KSR2: variants seen among roughly 807,000 people sequenced by gnomAD.
KSR2 encodes kinase suppressor of ras 2.
Under a neutral mutation model 107.8 loss-of-function variants are expected in KSR2, and 25 were observed. The observed-to-expected ratio is 0.23, with a 90% CI of 0.17 to 0.32. KSR2 has a LOEUF of 0.32. KSR2 is among the 10% of genes least tolerant of loss of function. KSR2 has a pLI of 1.00. For synonymous variants in KSR2, 480 were observed against 507.0 expected (o/e 0.95, Z 0.71); for missense variants, 887 against 1,268.9 (o/e 0.70, Z 4.57).
chr12:117,589,163 A>G (rs1392026343), intron 5 of KSR2, among the ~76,000 whole-genome samples: 1 of 152,200 alleles, frequency 6.6e-6, no homozygotes, highest in Non-Finnish European at 1.5e-5. Context: ...TTATCTTAAA[A>G]GCCATGCCAG....
At chr12:117,617,288 C>T in intron 5 of KSR2, among the ~76,000 whole-genome samples, 1 of 152,166 alleles carries the variant, frequency 6.6e-6, no homozygotes. Flanking sequence ...TTCTTCTAAT[C>T]CTTCCGCTAG....
intron 4 of KSR2, among the ~76,000 whole-genome samples, chr12:117,684,496 T>C (rs1276290824): frequency 1.3e-5 from 2 of 152,132 alleles, no homozygotes; most frequent in Non-Finnish European, 1.5e-5. Context: ...CTCCAGTGGA[T>C]CCAATTTTCC....
At chr12:117,495,894 A>AAAT (rs1332029325) in intron 14 of KSR2, among the ~76,000 whole-genome samples, 1 of 152,066 alleles carries the variant, frequency 6.6e-6, no homozygotes, top group Non-Finnish European at 1.5e-5. Flanking sequence ...TCTCTACTAA[A>AAAT]AATACAAAAA....
intron 1 of KSR2, among the ~76,000 whole-genome samples, chr12:117,926,075 T>A (rs748357656): frequency 2.0e-5 from 3 of 152,114 alleles, no homozygotes; most frequent in Non-Finnish European, 4.4e-5. Flanking sequence ...TGCACCCCTG[T>A]AATCCCAGCT....
intron 14 of KSR2, among the ~76,000 whole-genome samples, chr12:117,508,132 T>A (rs1167600670): frequency 6.6e-6 from 1 of 151,974 alleles, no homozygotes; most frequent in Non-Finnish European, 1.5e-5. Context: ...TGAGGGGGAG[T>A]CTGTTTTATG....
chr12:117,953,988 G>A (rs776692973), intron 1 of KSR2, among the ~76,000 whole-genome samples: 14 of 151,984 alleles, frequency 9.2e-5, no homozygotes, highest in Non-Finnish European at 1.9e-4. Flanking sequence ...TACTCAGGAG[G>A]CTGAGGCAGG....
At chr12:117,537,923 T>A (rs996582419) in intron 10 of KSR2, among the ~76,000 whole-genome samples, 2 of 152,238 alleles carry the variant, frequency 1.3e-5, no homozygotes, top group African/African-American at 2.4e-5. Context: ...AGAGCTGTGG[T>A]CCTTTTGTGC....
rs149170573 is a variant in KSR2, at chr12:117,911,882, G to A, written c.181-51451C>T. On this transcript the variant is annotated intron_variant, in intron 1 of 19. Transcript: ENST00000339824. ...CTTGGCAAGAAGCCAAGGCTTATGC[G>A]TCTCCGGGCCAGGAGAACCACTTGC... is the stretch of plus-strand genomic sequence containing the variant. 3.0e-3 allele frequency among the ~76,000 whole-genome samples: 455 copies of A among 152,290 alleles called. 2 individuals carry two copies. Among genetic ancestry groups the A allele is most frequent in the African/African-American group, 0.01 (419 of 41,568 alleles).
rs545088763 is a variant in KSR2, at chr12:117,623,136, G to A, written c.1172-40777C>T. ...TAATGCAAATTTGATAATGTGCTTC[G>A]CACATGGTAGATACCAATGAACACT... On this transcript the variant is annotated intron_variant, in intron 5 of 19. Transcript: ENST00000339824. 7.9e-5 allele frequency among the ~76,000 whole-genome samples: 12 copies of A among 152,232 alleles called. 1 individual carries two copies. The highest frequency in any genetic ancestry group is 3.4e-3 in the Middle Eastern group (1 of 294).
At chr12:117,703,551 C>T (rs1886407399) in intron 4 of KSR2, among the ~76,000 whole-genome samples, 1 of 152,182 alleles carries the variant, frequency 6.6e-6, no homozygotes, top group African/African-American at 2.4e-5. Context: ...CTTCATGACA[C>T]TGATCTCCTG....
chr12:117,808,260 G>A (rs7960031), intron 3 of KSR2, among the ~76,000 whole-genome samples: 20,216 of 152,038 alleles, frequency 0.13, 2,065 homozygotes, highest in African/African-American at 0.28. Context: ...AACCACAGAC[G>A]CAGAGCCCAG....
intron 7 of KSR2, among the ~76,000 whole-genome samples, chr12:117,573,329 G>A (rs557880646): frequency 3.3e-5 from 5 of 152,146 alleles, no homozygotes; most frequent in East Asian, 1.9e-4. Context: ...GGATGAACAT[G>A]TCATTGAACA....
chr12:117,601,302 G>A (rs1880934934), intron 5 of KSR2, among the ~76,000 whole-genome samples: 2 of 150,412 alleles, frequency 1.3e-5, no homozygotes, highest in African/African-American at 4.9e-5. Context: ...TCTTGGGGGG[G>A]GGGGTACCTA....
chr12:117,777,921 G>A (rs1259660722), intron 3 of KSR2, among the ~76,000 whole-genome samples: 2 of 151,986 alleles, frequency 1.3e-5, no homozygotes, highest in African/African-American at 4.8e-5. Context: ...TAGTCCCAGC[G>A]ACTTGGGTGG....
chr12:117,643,030 G>A (rs992317858), intron 5 of KSR2, among the ~76,000 whole-genome samples: 1 of 152,184 alleles, frequency 6.6e-6, no homozygotes, highest in African/African-American at 2.4e-5. Flanking sequence ...TAAGAAGAAA[G>A]TTTTAAAATG....
At chr12:117,582,177 T>C in intron 6 of KSR2, 113 bp downstream of exon 6, 3 of 806,452 alleles carry the variant, frequency 3.7e-6, no homozygotes, top group Non-Finnish European at 6.2e-6. Flanking sequence ...CATGGTGATG[T>C]AGGTGCTGGA....
intron 7 of KSR2, among the ~76,000 whole-genome samples, chr12:117,575,890 T>C (rs1879254285): frequency 6.6e-6 from 1 of 152,198 alleles, no homozygotes. Flanking sequence ...GTCACACTTG[T>C]GTTGTAGAGA....
At chr12:117,710,751 T>G (rs1886736690) in intron 4 of KSR2, among the ~76,000 whole-genome samples, 1 of 152,108 alleles carries the variant, frequency 6.6e-6, no homozygotes. Context: ...AAATAAACGG[T>G]CAGTACTATC....
chr12:117,513,838 A>T (rs928592829), intron 14 of KSR2, among the ~76,000 whole-genome samples: 1 of 152,236 alleles, frequency 6.6e-6, no homozygotes, highest in African/African-American at 2.4e-5. Flanking sequence ...ATTCCCTGCA[A>T]TCTGACCAAC....
Sources: allele counts gnomAD v4.1 joint callset (sites outside exome capture counted in the v4.1 genomes callset), GRCh38; gene constraint gnomAD v4.1.1; transcripts MANE v1.5; gene names NCBI Gene and HGNC (gene_info 2026-07-23, HGNC 2026-07-21).